Variants in C19orf47 observed in about 807,000 individuals in gnomAD.
C19orf47 encodes the protein chromosome 19 open reading frame 47, also known as uncharacterized protein C19orf47.
C19orf47 carries 18 observed loss-of-function variants against 32.3 expected under a neutral mutation model. That is an observed-to-expected ratio of 0.56 (90% confidence interval 0.39 to 0.83). The LOEUF is 0.83. Ranked by LOEUF, C19orf47 falls within the 40% of genes least tolerant of loss-of-function variation. C19orf47 has a pLI of 0.00. For synonymous variants in C19orf47, 202 were observed against 211.1 expected (o/e 0.96, Z 0.37); for missense variants, 484 against 531.6 (o/e 0.91, Z 0.88).
the C19orf47 span, among the ~76,000 whole-genome samples, chr19:40,309,294 C>T: frequency 6.6e-6 from 1 of 151,344 alleles, no homozygotes; most frequent in Non-Finnish European, 1.5e-5. Flanking sequence ...CAGGTTCAAG[C>T]GATTCTCCTG....
chr19:40,346,502 A>G (rs1221619059), intron 1 of C19orf47, among the ~76,000 whole-genome samples: 25 of 147,674 alleles, frequency 1.7e-4, no homozygotes, highest in Non-Finnish European at 2.8e-4. Flanking sequence ...AAATAAAAAA[A>G]CACCATCTTA....
At position 40,321,852 on chromosome 19, in the gene C19orf47, TCTG is replaced by T. The variant is rs1248968445; in HGVS notation, c.*27_*29del. The T allele has an allele frequency of 2.0e-6, 3 of 1,519,452 alleles. No homozygotes were observed. The highest frequency in any genetic ancestry group is 2.6e-6 in the Non-Finnish European group (3 of 1,136,344). The allele number at this position is 1,519,452 out of a possible 1,614,324, so 94.1% of individuals were successfully genotyped here. A position where few individuals can be genotyped will look rare whatever the true frequency, so the allele number is the denominator to read the frequency against. On this transcript the variant is annotated 3_prime_UTR_variant, in exon 9 of 9. Coordinates refer to ENST00000683109, the MANE Select transcript of C19orf47 (RefSeq NM_001256441.2). ...GCGGCCAGGGCAGATGCCCGCAGGC[TCTG>T]CTGCCTGCACCCCGCCCACAGGTGG...
the C19orf47 span, among the ~76,000 whole-genome samples, chr19:40,306,151 C>CAAAAAAAAAA: frequency 1.9e-5 from 1 of 53,874 alleles, no homozygotes; most frequent in East Asian, 5.9e-4. Flanking sequence ...AACTCTGTCT[C>CAAAAAAAAAA]AAAAAAAAAA....
chr19:40,315,130 C>T (rs769921577), downstream of C19orf47, among the ~76,000 whole-genome samples: 1 of 152,134 alleles, frequency 6.6e-6, no homozygotes, highest in Non-Finnish European at 1.5e-5. Flanking sequence ...AATTTGATAA[C>T]ATAATGTCAT....
At chr19:40,307,085 G>A in the C19orf47 span, among the ~76,000 whole-genome samples, 7 of 139,608 alleles carry the variant, frequency 5.0e-5, no homozygotes, top group Admixed American at 1.6e-4. Flanking sequence ...CACCGCGCCC[G>A]GCCCTTTTTT....
chr19:40,330,924 G>A (rs1420806962), intron 5 of C19orf47, among the ~76,000 whole-genome samples: 1 of 152,144 alleles, frequency 6.6e-6, no homozygotes, highest in Non-Finnish European at 1.5e-5. Flanking sequence ...TGGCTGGGAG[G>A]GGGCACAGGG....
the C19orf47 span, among the ~76,000 whole-genome samples, chr19:40,312,544 C>CA: frequency 0.011 from 1,504 of 136,400 alleles, 10 homozygotes; most frequent in Non-Finnish European, 0.016. Context: ...GACTCCATCT[C>CA]AAAAAAAAAA....
chr19:40,342,492 T>A (rs978208741), intron 1 of C19orf47: 1 of 153,074 alleles, frequency 6.5e-6, no homozygotes, highest in African/African-American at 2.4e-5. Flanking sequence ...GAGAACCTAC[T>A]ATGTGTAAGG....
At chr19:40,294,236 C>G in the C19orf47 span, among the ~76,000 whole-genome samples, 1 of 152,196 alleles carries the variant, frequency 6.6e-6, no homozygotes, top group Non-Finnish European at 1.5e-5. Context: ...TCCTGACATG[C>G]CTGACCAAAC....
At chr19:40,331,834 C>T (rs978072286) in intron 5 of C19orf47, among the ~76,000 whole-genome samples, 2 of 151,882 alleles carry the variant, frequency 1.3e-5, no homozygotes, top group South Asian at 2.1e-4. Context: ...GTCAGGAGCT[C>T]GAGACCAGCC....
chr19:40,303,804 A>G, the C19orf47 span, among the ~76,000 whole-genome samples: 13 of 31,778 alleles, frequency 4.1e-4, no homozygotes, highest in Middle Eastern at 0.017. Context: ...ACTTTGTCTG[A>G]AAAAAAAAAA....
intron 2 of C19orf47, among the ~76,000 whole-genome samples, chr19:40,339,766 G>C (rs2078138629): frequency 6.6e-6 from 1 of 152,006 alleles, no homozygotes; most frequent in African/African-American, 2.4e-5. Flanking sequence ...GAGGTCAGGA[G>C]TTCAAGACCA....
chr19:40,348,406 C>T (rs769966141), upstream of C19orf47: 1 of 1,483,046 alleles, frequency 6.7e-7, no homozygotes, highest in East Asian at 2.9e-5. Context: ...TCCCCCGGCC[C>T]GGGCTGCCCG....
rs1311607854 is a variant in C19orf47 at position 40,336,106 on chromosome 19, C to T, written c.222+4G>A. 2 of 1,613,632 alleles carry T rather than the reference C, an allele frequency of 1.2e-6. No individual in the cohort carries two copies. The highest frequency in any genetic ancestry group is 1.7e-5 in the Admixed American group (1 of 59,992). ...GAGACAGAGGGGCTGGGCACAGCAC[C>T]CACCTGACGGTGCACCACTTTGGCA... is the stretch of plus-strand genomic sequence containing the variant. On this transcript the variant is annotated splice_donor_region_variant and intron_variant, in intron 4 of 8. Transcript: ENST00000683109.
At chr19:40,333,545 C>T (rs1409023797) in intron 5 of C19orf47, among the ~76,000 whole-genome samples, 1 of 152,128 alleles carries the variant, frequency 6.6e-6, no homozygotes, top group Non-Finnish European at 1.5e-5. Flanking sequence ...CTTGCAGGAA[C>T]CTAACCTAGT....
intron 2 of C19orf47, among the ~76,000 whole-genome samples, chr19:40,341,282 C>T (rs1348994404): frequency 5.4e-5 from 8 of 148,968 alleles, no homozygotes; most frequent in African/African-American, 1.5e-4. Flanking sequence ...TGCAGTGAGC[C>T]GAGATCGTGC....
At chr19:40,336,849 A>G (rs951776539) in intron 2 of C19orf47, among the ~76,000 whole-genome samples, 2 of 152,150 alleles carry the variant, frequency 1.3e-5, no homozygotes, top group African/African-American at 4.8e-5. Context: ...TAGGATCCTC[A>G]GGTGGCTGGA....
intron 7 of C19orf47, 126 bp downstream of exon 7, chr19:40,326,208 T>C (rs1161091919): frequency 2.2e-6 from 3 of 1,337,242 alleles, no homozygotes; most frequent in Non-Finnish European, 3.0e-6. Flanking sequence ...CCCCTTGGCC[T>C]ACGGCTCCTG....
intron 7 of C19orf47, among the ~76,000 whole-genome samples, chr19:40,325,470 A>G (rs192656286): frequency 2.1e-4 from 32 of 152,048 alleles, no homozygotes; most frequent in African/African-American, 7.7e-4. Context: ...TCTACAAAAA[A>G]TACAAAAATT....
Sources: allele counts gnomAD v4.1 joint callset (sites outside exome capture counted in the v4.1 genomes callset), GRCh38; gene constraint gnomAD v4.1.1; transcripts MANE v1.5; gene names NCBI Gene and HGNC (gene_info 2026-07-23, HGNC 2026-07-21).